The following SYT3 variants were observed in gnomAD, a reference collection of about 807,000 sequenced individuals.
The protein encoded by SYT3 is synaptotagmin-3.
Under a neutral mutation model 50.6 loss-of-function variants are expected in SYT3, and 25 were observed. The observed-to-expected ratio is 0.49, with a 90% CI of 0.36 to 0.69. The LOEUF (loss-of-function observed/expected upper bound fraction) is 0.69. SYT3 is among the 30% of genes least tolerant of loss of function. The pLI is 0.00. For missense variants in SYT3, 589 were observed against 793.6 expected (o/e 0.74, Z 3.10); for synonymous variants, 323 against 353.9 (o/e 0.91, Z 0.98).
At position 50,639,735 on chromosome 19, in the gene SYT3, A is replaced by C. The variant is rs181945016; in HGVS notation, c.-154+55T>G. On this transcript the variant is annotated intron_variant, in intron 1 of 10. Transcript: ENST00000600079. This position sits in a 1 kb window ranked among gnomAD's most constrained non-coding sequence, Gnocchi z 4.6. The stretch of plus-strand genomic sequence containing the variant: ...GCCCCCATGCGCCGGGGCCGACCCC[A>C]GGGATTTGACTGGGGCTGGGGCTGT... 0.016 allele frequency: 2,387 copies of C among 153,612 alleles called. 45 individuals are homozygous for C. The highest frequency in any genetic ancestry group is 0.054 in the African/African-American group (2,255 of 41,406). The allele number at this position is 153,612 out of a possible 1,614,324, so 9.5% of individuals were successfully genotyped here.
upstream of SYT3, among the ~76,000 whole-genome samples, chr19:50,644,640 T>A (rs140071262): frequency 5.7e-3 from 857 of 151,200 alleles, 6 homozygotes; most frequent in African/African-American, 0.02. Context: ...GATGGATGGA[T>A]TTGTGGATGG....
At position 50,637,073 on chromosome 19, in the gene SYT3, C is replaced by T. The variant is rs1984517654; in HGVS notation, c.148+191G>A. ...TCGGAGGGAGGCCCACAGGGCAAAA[C>T]TCAAAAAGCAGACCACACAGCTCCT... On this transcript the variant is annotated intron_variant, in intron 3 of 10. Coordinates refer to ENST00000600079, the MANE Select transcript of SYT3 (RefSeq NM_001160329.2). The surrounding 1 kb of genome is among the most constrained non-coding windows in gnomAD (Gnocchi z 4.9). Among the ~76,000 whole-genome samples, 1 of 152,116 alleles carries T rather than the reference C, an allele frequency of 6.6e-6. No homozygotes were observed. Among genetic ancestry groups the T allele is most frequent in the Non-Finnish European group, 1.5e-5 (1 of 68,032 alleles).
chr19:50,642,834 C>CA (rs1006191391), upstream of SYT3, among the ~76,000 whole-genome samples: 14 of 151,270 alleles, frequency 9.3e-5, no homozygotes, highest in East Asian at 1.9e-4. Flanking sequence ...AACTCTGTCT[C>CA]AAAAAAAAGA....
At chr19:50,638,614 C>T (rs1984569768) in intron 2 of SYT3, among the ~76,000 whole-genome samples, 1 of 151,906 alleles carries the variant, frequency 6.6e-6, no homozygotes, top group East Asian at 1.9e-4. Context: ...AATTAATTCA[C>T]GGGGGCTTGA....
chr19:50,638,296 G>A (rs146360775), intron 2 of SYT3, among the ~76,000 whole-genome samples: 3 of 152,260 alleles, frequency 2.0e-5, no homozygotes, highest in Non-Finnish European at 2.9e-5. Flanking sequence ...CTTAGGGTAG[G>A]AAAGCAGTTG....
chr19:50,629,344 C>T lies in SYT3; in HGVS notation c.1231G>A (p.Glu411Lys), dbSNP rs1273671821. The change falls in exon 6 of 11, where the codon GAG (glutamate) becomes AAG (lysine). Residue 411 changes from glutamate to lysine, a missense_variant. Around this residue, in one of 2 missense-constraint regions of SYT3, gnomAD observed 273 missense variants for 439.3 expected, o/e 0.62. Coordinates refer to ENST00000600079, the MANE Select transcript of SYT3 (RefSeq NM_001160329.2). The stretch of plus-strand genomic sequence containing the variant: ...CAGAGCGGGCGGTCAGGGGGCTGCT[C>T]GGCCAGCTCCAGGAGGTTGTCCAGC... ...VVLDNLLELA[E>K]QPPDRPLWRD... 6.2e-6 allele frequency: 10 copies of T among 1,613,234 alleles called. No homozygotes were observed. Among genetic ancestry groups the T allele is most frequent in the Non-Finnish European group, 7.6e-6 (9 of 1,179,586 alleles).
chr19:50,625,355 C>T lies in SYT3; in HGVS notation c.1574+38G>A, dbSNP rs1391401053. The stretch of plus-strand genomic sequence containing the variant: ...GTGGGAGGGCCTGTCCCCACCCCAG[C>T]CCTCCTGCCTGACCCCCGCCCGGGC... On this transcript the variant is annotated intron_variant, in intron 8 of 10. Coordinates refer to ENST00000600079, the MANE Select transcript of SYT3 (RefSeq NM_001160329.2). This position sits in a 1 kb window ranked among gnomAD's most constrained non-coding sequence, Gnocchi z 7.5. 6.5e-7 allele frequency: 1 copy of T among 1,539,500 alleles called. No homozygotes were observed. Among genetic ancestry groups the T allele is most frequent in the Non-Finnish European group, 8.7e-7 (1 of 1,144,056 alleles).
At chr19:50,631,738 C>A (rs187893222) in intron 4 of SYT3, among the ~76,000 whole-genome samples, 5 of 152,010 alleles carry the variant, frequency 3.3e-5, no homozygotes, top group Admixed American at 1.3e-4. Flanking sequence ...GAGTCGCTTT[C>A]CTGTCTCACC....
At chr19:50,646,055 G>T in the SYT3 span, among the ~76,000 whole-genome samples, 1 of 152,150 alleles carries the variant, frequency 6.6e-6, no homozygotes, top group Non-Finnish European at 1.5e-5. Context: ...GAGACACAGA[G>T]GAGCAGAGAG....
chr19:50,649,645 T>A, the SYT3 span: 2 of 1,007,256 alleles, frequency 2.0e-6, no homozygotes, highest in African/African-American at 1.6e-5. Context: ...CATTCCTGGA[T>A]TCACCAGATT....
chr19:50,645,173 G>A, the SYT3 span, among the ~76,000 whole-genome samples: 2 of 152,194 alleles, frequency 1.3e-5, no homozygotes, highest in African/African-American at 2.4e-5. Context: ...CCACCACTGC[G>A]GCGCTGACAG....
At chr19:50,647,464 T>C in the SYT3 span, among the ~76,000 whole-genome samples, 1 of 151,796 alleles carries the variant, frequency 6.6e-6, no homozygotes, top group African/African-American at 2.4e-5. Flanking sequence ...GGTGGGAGGA[T>C]TGCTTGAGCC....
chr19:50,644,119 A>C (rs1156583818), upstream of SYT3, among the ~76,000 whole-genome samples: 3 of 152,234 alleles, frequency 2.0e-5, no homozygotes, highest in African/African-American at 4.8e-5. Context: ...GCTGCCTGGC[A>C]CAGTACCTGG....
the SYT3 span, chr19:50,658,027 C>T: frequency 1.4e-5 from 21 of 1,535,664 alleles, no homozygotes; most frequent in South Asian, 1.7e-4. Flanking sequence ...TGCTGCAAGC[C>T]CTGGAGGCCC....
In SYT3 at chr19:50,629,285, G is replaced by T. The variant is rs565493371; in HGVS notation, c.1281+9C>A. 29 of 1,586,170 alleles carry T rather than the reference G, an allele frequency of 1.8e-5. No individual in the cohort carries two copies. Among genetic ancestry groups the T allele is most frequent in the Non-Finnish European group, 2.5e-5 (29 of 1,162,704 alleles). On this transcript the variant is annotated intron_variant, in intron 6 of 10. Coordinates refer to ENST00000600079, the MANE Select transcript of SYT3 (RefSeq NM_001160329.2). ...GGGAAGGGGAAGGTCAGGGGAGAGG[G>T]CCACTGACCGAGCCGCCCTCCACGA... is the stretch of plus-strand genomic sequence containing the variant.
At chr19:50,622,611 C>G in intron 10 of SYT3, 76 bp downstream of exon 10, 1 of 1,029,446 alleles carries the variant, frequency 9.7e-7, no homozygotes, top group Non-Finnish European at 1.5e-6. Flanking sequence ...ACCCAGGAGT[C>G]CAGGCCCCCA....
chr19:50,656,278 C>T, the SYT3 span: 35 of 1,536,074 alleles, frequency 2.3e-5, no homozygotes, highest in African/African-American at 1.4e-4. Context: ...GGACCGAGAA[C>T]TCCCGTGCAT....
At chr19:50,656,102 G>A in the SYT3 span, 25 of 1,535,992 alleles carry the variant, frequency 1.6e-5, no homozygotes, top group Non-Finnish European at 2.0e-5. Flanking sequence ...CTCGGAGCCT[G>A]GGCAGGCCCA....
At position 50,629,313 on chromosome 19, in the gene SYT3, T is replaced by A; in HGVS notation, c.1262A>T (p.Asp421Val). 6.2e-7 allele frequency: 1 copy of A among 1,607,196 alleles called. No individual in the cohort carries two copies. Among genetic ancestry groups the A allele is most frequent in the Non-Finnish European group, 8.5e-7 (1 of 1,175,428 alleles). Residue 421 changes from aspartate (D) to valine (V), a missense_variant, in exon 6 of 11, where the codon GAC (aspartate) becomes GTC (valine). Asp to Val is a radical substitution (Grantham distance 152, BLOSUM62 -3). Coordinates refer to ENST00000600079, the MANE Select transcript of SYT3 (RefSeq NM_001160329.2). ...ACTGACCGAGCCGCCCTCCACGATG[T>A]CCCTCCAGAGCGGGCGGTCAGGGGG... ...EQPPDRPLWR[D>V]IVEGGSEKAD... is the part of the protein sequence containing the mutation.
Sources: gnomAD v4.1 joint callset for allele counts (sites outside exome capture counted in the v4.1 genomes callset) on GRCh38, gnomAD v4.1.1 for gene constraint, gnomAD v4.1.1 regional missense constraint, Gnocchi (gnomAD v3.1) non-coding constraint, MANE v1.5 for transcripts, NCBI Gene and HGNC (gene_info 2026-07-23, HGNC 2026-07-21) for gene names.